Variants in CNPY4 observed in about 807,000 individuals in gnomAD.
CNPY4 encodes canopy FGF signaling regulator 4.
In CNPY4, 33 loss-of-function variants were observed where a neutral mutation model predicts 30.1. The ratio of observed to expected loss-of-function variants is 1.10; its 90% CI spans 0.83 to 1.46. CNPY4 has a LOEUF of 1.46. CNPY4 is among the 40% of genes most tolerant of loss of function. The pLI is 0.00. For missense variants in CNPY4, 324 were observed against 302.6 expected, an observed-to-expected ratio of 1.07 and a Z score of -0.52; for synonymous variants, 109 against 110.1, an observed-to-expected ratio of 0.99 and a Z score of 0.06.
At position 100,125,142 on chromosome 7, in the gene CNPY4, C is replaced by T; in HGVS notation, c.*254C>T. 2 of 449,476 alleles carry T rather than the reference C, an allele frequency of 4.4e-6. No individual in the cohort carries two copies. Among genetic ancestry groups the T allele is most frequent in the Non-Finnish European group, 3.9e-6 (1 of 254,000 alleles). 27.8% of individuals were successfully genotyped at this position (449,476 alleles called of 1,614,324 possible). On this transcript the variant is annotated 3_prime_UTR_variant, in exon 6 of 6. Transcript: ENST00000262932. ...GCCCCTTAATTGGCAGGTGTATGTG[C>T]TGACAGTACTGAAAGCTTTCCTCTT...
At chr7:100,119,968 C>G in intron 1 of CNPY4, 106 bp downstream of exon 1, 1 of 1,012,830 alleles carries the variant, frequency 9.9e-7, no homozygotes, top group South Asian at 1.8e-5. Flanking sequence ...TCCTTGAAGG[C>G]TTGAGGGAGG....
rs777531987 is a variant in CNPY4, at chr7:100,124,866, A to G, written c.725A>G (p.Lys242Arg). The G allele has an allele frequency of 1.7e-5, 28 of 1,601,700 alleles. No homozygotes were observed. The Admixed American group carries it at 3.1e-4, about 18-fold the overall frequency. The change falls in exon 6 of 6, where the codon AAA (lysine) becomes AGA (arginine). Residue 242 changes from lysine to arginine, a missense_variant. Coordinates refer to ENST00000262932, the MANE Select transcript of CNPY4 (RefSeq NM_152755.2). Reference sequence around the variant, plus strand: ...ATGACCAAGACAGGAAGCCACCCCAAACTTGACCGAGAAGATCTTTGACCC... The same window carrying G: ...ATGACCAAGACAGGAAGCCACCCCAGACTTGACCGAGAAGATCTTTGACCC... Reference protein sequence around the residue: ...DKMTKTGSHPKLDREDL With the variant: ...DKMTKTGSHPRLDREDL
intron 1 of CNPY4, among the ~76,000 whole-genome samples, chr7:100,120,854 C>T (rs1413192739): frequency 6.6e-6 from 1 of 151,942 alleles, no homozygotes; most frequent in Non-Finnish European, 1.5e-5. Flanking sequence ...CACAGCTTGT[C>T]ATCCTTGGTT....
At chr7:100,120,969 C>T (rs1236620354) in intron 1 of CNPY4, among the ~76,000 whole-genome samples, 6 of 151,606 alleles carry the variant, frequency 4.0e-5, no homozygotes. Flanking sequence ...TAAATAACTG[C>T]AGGATAACAG....
chr7:100,121,116 A>ATTTTTTTTTTTTTTT (rs1163501525), intron 1 of CNPY4: 2 of 52,800 alleles, frequency 3.8e-5, no homozygotes, highest in African/African-American at 9.7e-5. Context: ...ATATATATAT[A>ATTTTTTTTTTTTTTT]TTTTTTTTTT....
At chr7:100,123,289 C>T (rs948470925) in intron 4 of CNPY4, among the ~76,000 whole-genome samples, 2 of 151,746 alleles carry the variant, frequency 1.3e-5, no homozygotes, top group Non-Finnish European at 2.9e-5. Context: ...TTGCCATGAG[C>T]CAAGATCGCA....
At chr7:100,121,286 C>CCGCCA (rs890006460) in intron 1 of CNPY4, 1 of 149,216 alleles carries the variant, frequency 6.7e-6, no homozygotes, top group Non-Finnish European at 1.5e-5. Context: ...TTACAGGCGC[C>CCGCCA]CGCCACCATG....
intron 4 of CNPY4, among the ~76,000 whole-genome samples, chr7:100,123,383 A>C (rs190589379): frequency 1.5e-4 from 23 of 151,972 alleles, no homozygotes; most frequent in African/African-American, 4.8e-4. Flanking sequence ...AAGAAATCAT[A>C]ATGAGCCGGG....
chr7:100,122,899 A>G lies in CNPY4; in HGVS notation c.458A>G (p.Lys153Arg), dbSNP rs1452748009. The change falls in exon 4 of 6, where the codon AAG becomes AGG. Residue 153 changes from lysine (K) to arginine (R), a missense_variant. Lys to Arg is a conservative substitution (Grantham distance 26). Coordinates refer to ENST00000262932, the MANE Select transcript of CNPY4 (RefSeq NM_152755.2). ...CCCAGCGTGGAGGTCACATACCTCA[A>G]GAAGCAGGTAGGATAAGACACTGCA... ...DEPSVEVTYL[K>R]KQCETMLEEF... 6 of 1,612,384 alleles carry G rather than the reference A, an allele frequency of 3.7e-6. No individual in the cohort carries two copies. The highest frequency in any genetic ancestry group is 5.1e-6 in the Non-Finnish European group (6 of 1,179,302).
In CNPY4 at chr7:100,124,583, C is replaced by G; in HGVS notation, c.535C>G (p.Leu179Val). Residue 179 changes from leucine to valine, a missense_variant, in exon 5 of 6, where the codon CTA (leucine) becomes GTA (valine). By Grantham distance (32) the Leu-to-Val change is conservative. Transcript: ENST00000262932. ...DWYFHHQEQP[L>V]QNFLCEGHVL... The stretch of plus-strand genomic sequence containing the variant: ...GTACTTCCACCATCAGGAGCAGCCC[C>G]TACAAAATTTTCTCTGTGAAGGTCA... The G allele has an allele frequency of 6.2e-7, 1 of 1,613,178 alleles. No individual in the cohort carries two copies. The highest frequency in any genetic ancestry group is 8.5e-7 in the Non-Finnish European group (1 of 1,179,856).
intron 4 of CNPY4, 144 bp from the exon 5 acceptor site, chr7:100,124,370 T>C: frequency 3.2e-6 from 2 of 632,802 alleles, no homozygotes; most frequent in Non-Finnish European, 5.7e-6. Context: ...GTTGAATGAA[T>C]GAGGATTGCA....
Position 100,122,578 on chromosome 7 carries a change from G to T in CNPY4, c.342+1G>T. ...CAAGGGCTCACTGAGATATGCCAAG[G>T]TCAGACCCTTCCCCAGGGCAGGACC... is the stretch of plus-strand genomic sequence containing the variant. On this transcript the variant is annotated splice_donor_variant, in intron 3 of 5. Transcript: ENST00000262932. LOFTEE classifies it high-confidence loss of function. 2 of 1,600,776 alleles carry T rather than the reference G, an allele frequency of 1.2e-6. No homozygotes were observed. The highest frequency in any genetic ancestry group is 8.5e-7 in the Non-Finnish European group (1 of 1,172,082).
chr7:100,119,706 TG>T lies in CNPY4; in HGVS notation c.-38del. On this transcript the variant is annotated 5_prime_UTR_variant, in exon 1 of 6. Transcript: ENST00000262932. Reference sequence around the variant, plus strand: ...GGGACCCACACTACCTTCCCGAAGTTGAAGGCAAGCGGTGATTGTTTGTAGA... The same window carrying T: ...GGGACCCACACTACCTTCCCGAAGTTAAGGCAAGCGGTGATTGTTTGTAGA... 1 of 1,613,912 alleles carries T rather than the reference TG, an allele frequency of 6.2e-7. No individual in the cohort carries two copies. Among genetic ancestry groups the T allele is most frequent in the South Asian group, 1.1e-5 (1 of 91,060 alleles).
rs1797977110 is a variant in CNPY4 at position 100,119,880 on chromosome 7, C to T, written c.118+18C>T. 3.2e-6 allele frequency: 5 copies of T among 1,584,368 alleles called. No individual in the cohort carries two copies. The highest frequency in any genetic ancestry group is 8.6e-7 in the Non-Finnish European group (1 of 1,164,114). On this transcript the variant is annotated intron_variant, in intron 1 of 5. Transcript: ENST00000262932. ...ATGCGAAGGTATTTGAAGGGGGTAG[C>T]CCCTATAGGCATCGCCCGGCCACAC...
chr7:100,122,274 G>A lies in CNPY4; in HGVS notation c.134G>A (p.Ser45Asn). ...TCCCCACCAGTGTGTAAGCTGCTGA[G>A]CACAGAGCTACAGGCGGAACTGAGT... is the stretch of plus-strand genomic sequence containing the variant. ...PSKCEVCKLL[S>N]TELQAELSRT... Residue 45 changes from serine (S) to asparagine (N), a missense_variant, in exon 2 of 6, where the codon AGC (serine) becomes AAC (asparagine). Transcript: ENST00000262932. The A allele has an allele frequency of 6.2e-7, 1 of 1,614,032 alleles. No homozygotes were observed.
chr7:100,121,117 T>TATATATATATATATATATATA (rs1491228284), intron 1 of CNPY4: 10 of 35,150 alleles, frequency 2.8e-4, no homozygotes, highest in Admixed American at 4.9e-4. Context: ...TATATATATA[T>TATATATATATATATATATATA]TTTTTTTTTT....
At chr7:100,122,697 CAG>C in intron 3 of CNPY4, 85 bp from the exon 4 acceptor site, 1 of 1,542,074 alleles carries the variant, frequency 6.5e-7, no homozygotes, top group Non-Finnish European at 8.8e-7. Context: ...CTTGAATCTC[CAG>C]TAGTTGACAA....
Position 100,119,717 on chromosome 7 carries a change from G to A in CNPY4, c.-28G>A, listed in dbSNP as rs1258414359. The A allele has an allele frequency of 1.9e-6, 3 of 1,613,914 alleles. No individual in the cohort carries two copies. The highest frequency in any genetic ancestry group is 1.7e-6 in the Non-Finnish European group (2 of 1,179,982). Reference sequence around the variant, plus strand: ...TACCTTCCCGAAGTTGAAGGCAAGCGGTGATTGTTTGTAGACGGCGCTTTG... The same window carrying A: ...TACCTTCCCGAAGTTGAAGGCAAGCAGTGATTGTTTGTAGACGGCGCTTTG... On this transcript the variant is annotated 5_prime_UTR_variant, in exon 1 of 6. Coordinates refer to ENST00000262932, the MANE Select transcript of CNPY4 (RefSeq NM_152755.2).
Position 100,124,973 on chromosome 7 carries a change from G to T in CNPY4, c.*85G>T. On this transcript the variant is annotated 3_prime_UTR_variant, in exon 6 of 6. Transcript: ENST00000262932. ...CTCTCCCTGCTCCACAGCTTTCAGGGTGTGTTTATGAGTGACTCCACCCAA... is the reference window on the plus strand; with the variant it reads ...CTCTCCCTGCTCCACAGCTTTCAGGTTGTGTTTATGAGTGACTCCACCCAA... The T allele has an allele frequency of 6.8e-7, 1 of 1,470,686 alleles. No individual in the cohort carries two copies. The highest frequency in any genetic ancestry group is 9.1e-7 in the Non-Finnish European group (1 of 1,093,760). 91.1% of individuals were successfully genotyped at this position (1,470,686 alleles called of 1,614,324 possible).
Sources: gnomAD v4.1 joint callset for allele counts (sites outside exome capture counted in the v4.1 genomes callset) on GRCh38, gnomAD v4.1.1 for gene constraint, MANE v1.5 for transcripts, NCBI Gene and HGNC (gene_info 2026-07-23, HGNC 2026-07-21) for gene names.